The following ZNF385B variants were observed in gnomAD, a reference collection of about 807,000 sequenced individuals.
The protein encoded by ZNF385B is zinc finger protein 385B.
ZNF385B carries 23 observed loss-of-function variants against 39.2 expected under a neutral mutation model. That is an observed-to-expected ratio of 0.59 (90% CI 0.42 to 0.83). The LOEUF (loss-of-function observed/expected upper bound fraction) is 0.83, where lower values mean the gene tolerates loss of function less well. ZNF385B is among the 40% of genes least tolerant of loss of function. ZNF385B has a pLI of 0.00. For synonymous variants in ZNF385B, 205 were observed against 222.6 expected, an observed-to-expected ratio of 0.92 and a Z score of 0.70; for missense variants, 552 against 598.9, an observed-to-expected ratio of 0.92 and a Z score of 0.82.
intron 3 of ZNF385B, among the ~76,000 whole-genome samples, chr2:179,625,477 T>G (rs1690575951): frequency 6.6e-6 from 1 of 152,036 alleles, no homozygotes; most frequent in Admixed American, 6.6e-5. Context: ...TCTTATTTAT[T>G]CATGCCTTAA....
At position 179,597,592 on chromosome 2, in the gene ZNF385B, C is replaced by G. The variant is rs974211112; in HGVS notation, c.299-52623G>C. On this transcript the variant is annotated intron_variant, in intron 3 of 9. Transcript: ENST00000410066. ...TCCATCCACCTTTCTTGTAGTCACTCCATCTGAGCTTTTCACACGACATAC... is the reference window on the plus strand; with the variant it reads ...TCCATCCACCTTTCTTGTAGTCACTGCATCTGAGCTTTTCACACGACATAC... Among the ~76,000 whole-genome samples the G allele has an allele frequency of 3.7e-4, 57 of 152,268 alleles. 1 individual carries two copies. The highest frequency in any genetic ancestry group is 1.3e-3 in the African/African-American group (56 of 41,574).
At chr2:179,834,746 T>C (rs1483265168) in intron 1 of ZNF385B, among the ~76,000 whole-genome samples, 1 of 152,164 alleles carries the variant, frequency 6.6e-6, no homozygotes, top group Non-Finnish European at 1.5e-5. Context: ...GAAAAAGATA[T>C]CTTTACAATG....
chr2:179,601,702 T>C (rs1688422263), intron 3 of ZNF385B, among the ~76,000 whole-genome samples: 1 of 152,200 alleles, frequency 6.6e-6, no homozygotes, highest in South Asian at 2.1e-4. Context: ...TTACTTGAAA[T>C]TTTGTATTAA....
intron 3 of ZNF385B, among the ~76,000 whole-genome samples, chr2:179,619,105 T>A (rs1302757231): frequency 6.6e-6 from 1 of 152,138 alleles, no homozygotes; most frequent in Admixed American, 6.5e-5. Context: ...CACTTCACAC[T>A]CATAATTACC....
At chr2:179,677,041 G>T (rs552731433) in intron 3 of ZNF385B, among the ~76,000 whole-genome samples, 12 of 152,142 alleles carry the variant, frequency 7.9e-5, no homozygotes, top group Non-Finnish European at 1.3e-4. Flanking sequence ...AAACTTAAGT[G>T]ACCAGTTGCA....
At chr2:179,851,282 C>A (rs932604960) in intron 1 of ZNF385B, among the ~76,000 whole-genome samples, 4 of 152,144 alleles carry the variant, frequency 2.6e-5, no homozygotes, top group Non-Finnish European at 4.4e-5. Context: ...AAGACATCAC[C>A]AGTACATTAT....
intron 3 of ZNF385B, among the ~76,000 whole-genome samples, chr2:179,636,074 G>T (rs1691724025): frequency 6.6e-6 from 1 of 152,108 alleles, no homozygotes; most frequent in African/African-American, 2.4e-5. Context: ...GCATATTTTT[G>T]ATAGGTGAGA....
At chr2:179,801,776 A>T (rs1015321580) in intron 1 of ZNF385B, among the ~76,000 whole-genome samples, 1 of 152,164 alleles carries the variant, frequency 6.6e-6, no homozygotes, top group African/African-American at 2.4e-5. Context: ...CATCTACACA[A>T]AATCACAGCA....
At chr2:179,486,832 C>A (rs1456733941) in intron 5 of ZNF385B, among the ~76,000 whole-genome samples, 1 of 152,170 alleles carries the variant, frequency 6.6e-6, no homozygotes, top group Non-Finnish European at 1.5e-5. Context: ...GGGTGGATCA[C>A]TTGAGCCTGG....
intron 3 of ZNF385B, among the ~76,000 whole-genome samples, chr2:179,723,177 T>C (rs1700797944): frequency 6.6e-6 from 1 of 152,142 alleles, no homozygotes; most frequent in Admixed American, 6.6e-5. Flanking sequence ...TATATAATAA[T>C]TGACTATTTA....
chr2:179,746,928 TA>T (rs1440057389), intron 3 of ZNF385B, among the ~76,000 whole-genome samples: 1 of 152,124 alleles, frequency 6.6e-6, no homozygotes, highest in African/African-American at 2.4e-5. Flanking sequence ...AAATGTTTAT[TA>T]AAAATCACAA....
chr2:179,583,467 T>G (rs1457240278), intron 3 of ZNF385B, among the ~76,000 whole-genome samples: 1 of 152,172 alleles, frequency 6.6e-6, no homozygotes, highest in Non-Finnish European at 1.5e-5. Flanking sequence ...TATTTTCATT[T>G]ATGTAATCAT....
chr2:179,621,854 T>C (rs1422005297), intron 3 of ZNF385B, among the ~76,000 whole-genome samples: 1 of 152,218 alleles, frequency 6.6e-6, no homozygotes, highest in Non-Finnish European at 1.5e-5. Context: ...TATCTTCTTT[T>C]AGGCCACTGA....
chr2:179,799,932 A>C (rs1056760970), intron 1 of ZNF385B, among the ~76,000 whole-genome samples: 1 of 152,114 alleles, frequency 6.6e-6, no homozygotes, highest in Non-Finnish European at 1.5e-5. Context: ...TCAGTTATAA[A>C]TATCTGTCTT....
intron 3 of ZNF385B, among the ~76,000 whole-genome samples, chr2:179,633,610 A>C (rs1298376872): frequency 1.3e-5 from 2 of 152,224 alleles, no homozygotes; most frequent in Non-Finnish European, 2.9e-5. Flanking sequence ...TGAATGGGCA[A>C]AACCAGGAAG....
At chr2:179,485,820 G>A (rs1337292287) in intron 5 of ZNF385B, among the ~76,000 whole-genome samples, 1 of 152,088 alleles carries the variant, frequency 6.6e-6, no homozygotes, top group Non-Finnish European at 1.5e-5. Context: ...GTAATCTAAG[G>A]ATAGGTTTTG....
intron 3 of ZNF385B, among the ~76,000 whole-genome samples, chr2:179,649,965 C>T (rs1693061562): frequency 6.6e-6 from 1 of 152,110 alleles, no homozygotes; most frequent in African/African-American, 2.4e-5. Context: ...GTATTAGCAC[C>T]CTTCCTTTTC....
intron 1 of ZNF385B, among the ~76,000 whole-genome samples, chr2:179,791,759 A>C (rs1705339769): frequency 6.6e-6 from 1 of 152,120 alleles, no homozygotes; most frequent in Admixed American, 6.6e-5. Context: ...TATTTGCATT[A>C]CTTTTTCCTT....
intron 4 of ZNF385B, among the ~76,000 whole-genome samples, chr2:179,537,334 AAAAAG>A (rs201537370): frequency 0.017 from 2,592 of 150,778 alleles, 76 homozygotes; most frequent in African/African-American, 0.06. Flanking sequence ...AAAAAAAATA[AAAAAG>A]AAAAGAAAAG....
Sources: gnomAD v4.1 joint callset for allele counts (sites outside exome capture counted in the v4.1 genomes callset) on GRCh38, gnomAD v4.1.1 for gene constraint, MANE v1.5 for transcripts, NCBI Gene and HGNC (gene_info 2026-07-23, HGNC 2026-07-21) for gene names.